Variants in SGCZ observed in about 807,000 individuals in gnomAD.
SGCZ encodes the protein zeta-sarcoglycan.
In SGCZ, 40 loss-of-function variants were observed where a neutral mutation model predicts 41.3. The observed-to-expected ratio is 0.97, with a 90% CI of 0.75 to 1.26. SGCZ has a LOEUF of 1.26. SGCZ is among the 50% of genes most tolerant of loss of function. The pLI, the probability that SGCZ is intolerant of heterozygous loss-of-function variation, is 0.00. For synonymous variants in SGCZ, 206 were observed against 137.5 expected, an observed-to-expected ratio of 1.50 and a Z score of -3.49; for missense variants, 552 against 369.8, an observed-to-expected ratio of 1.49 and a Z score of -4.04.
intron 1 of SGCZ, among the ~76,000 whole-genome samples, chr8:15,167,662 T>C (rs1265087042): frequency 9.6e-6 from 1 of 104,476 alleles, no homozygotes; most frequent in Non-Finnish European, 2.0e-5. Flanking sequence ...CTCAGTCCTT[T>C]TTATAATTTG....
intron 7 of SGCZ, among the ~76,000 whole-genome samples, chr8:14,092,852 G>A (rs527517783): frequency 6.6e-6 from 1 of 152,080 alleles, no homozygotes; most frequent in South Asian, 2.1e-4. Flanking sequence ...CAATACAGTA[G>A]CTAATCAGCA....
chr8:14,813,249 A>G (rs1801788211), intron 1 of SGCZ, among the ~76,000 whole-genome samples: 1 of 152,200 alleles, frequency 6.6e-6, no homozygotes, highest in East Asian at 1.9e-4. Context: ...CTCCCTCAAT[A>G]TACAGGAATA....
At chr8:14,395,090 T>G (rs1798871793) in intron 2 of SGCZ, among the ~76,000 whole-genome samples, 1 of 152,198 alleles carries the variant, frequency 6.6e-6, no homozygotes, top group Non-Finnish European at 1.5e-5. Flanking sequence ...TACTTAAAAC[T>G]CTAAGGAACA....
At chr8:14,404,579 A>G (rs543923817) in intron 2 of SGCZ, among the ~76,000 whole-genome samples, 2 of 152,306 alleles carry the variant, frequency 1.3e-5, no homozygotes, top group African/African-American at 4.8e-5. Flanking sequence ...TTTTTCTTTA[A>G]CAATCAGAAA....
intron 1 of SGCZ, among the ~76,000 whole-genome samples, chr8:15,015,946 G>A (rs1053915883): frequency 6.6e-6 from 1 of 151,500 alleles, no homozygotes; most frequent in Non-Finnish European, 1.5e-5. Flanking sequence ...CCATTTTCCT[G>A]ACATGTATGG....
intron 1 of SGCZ, among the ~76,000 whole-genome samples, chr8:15,231,506 C>T (rs148855891): frequency 6.6e-6 from 1 of 150,998 alleles, no homozygotes; most frequent in African/African-American, 2.4e-5. Flanking sequence ...ATAGAAGTCT[C>T]TCATCAGTTT....
chr8:14,297,564 G>C (rs10089596), intron 3 of SGCZ, among the ~76,000 whole-genome samples: 32,971 of 151,432 alleles, frequency 0.22, 4,417 homozygotes, highest in African/African-American at 0.37. Context: ...TAGAATAAAA[G>C]CAAAGACAAT....
chr8:15,158,311 A>T (rs182315737), intron 1 of SGCZ, among the ~76,000 whole-genome samples: 114 of 152,070 alleles, frequency 7.5e-4, no homozygotes, highest in African/African-American at 2.6e-3. Flanking sequence ...CCCTACCCTA[A>T]ATTTTTCCTT....
intron 2 of SGCZ, among the ~76,000 whole-genome samples, chr8:14,490,778 T>C (rs750462914): frequency 6.6e-6 from 1 of 151,668 alleles, no homozygotes; most frequent in Non-Finnish European, 1.5e-5. Flanking sequence ...CAGATTCTCA[T>C]GTAAGCTCTA....
At chr8:14,448,742 G>A (rs895054608) in intron 2 of SGCZ, among the ~76,000 whole-genome samples, 3 of 151,984 alleles carry the variant, frequency 2.0e-5, no homozygotes, top group Non-Finnish European at 2.9e-5. Context: ...CTCCATGATC[G>A]CCGTTGATGC....
intron 2 of SGCZ, among the ~76,000 whole-genome samples, chr8:14,500,881 A>G (rs1228239060): frequency 6.6e-6 from 1 of 152,108 alleles, no homozygotes; most frequent in African/African-American, 2.4e-5. Context: ...AAAGTAGTTC[A>G]GGAAAAAAAC....
chr8:14,709,563 G>A (rs1809447152), intron 1 of SGCZ, among the ~76,000 whole-genome samples: 1 of 151,946 alleles, frequency 6.6e-6, no homozygotes, highest in African/African-American at 2.4e-5. Context: ...GCTTGTTACG[G>A]CATAAGCAGG....
chr8:15,031,220 G>C (rs1392588916), intron 1 of SGCZ, among the ~76,000 whole-genome samples: 1 of 152,000 alleles, frequency 6.6e-6, no homozygotes, highest in African/African-American at 2.4e-5. Flanking sequence ...TTATTTCCCA[G>C]GATGGCAGAA....
At chr8:15,212,236 T>A (rs1801257367) in intron 1 of SGCZ, among the ~76,000 whole-genome samples, 1 of 152,174 alleles carries the variant, frequency 6.6e-6, no homozygotes, top group South Asian at 2.1e-4. Flanking sequence ...GTTCTTATAA[T>A]GATTTAGCTA....
chr8:14,797,614 A>G (rs938059930), intron 1 of SGCZ, among the ~76,000 whole-genome samples: 2 of 152,256 alleles, frequency 1.3e-5, no homozygotes, highest in Non-Finnish European at 2.9e-5. Context: ...AACCTACTGC[A>G]GAAATTTGCA....
chr8:14,631,326 T>A (rs917879092), intron 1 of SGCZ, among the ~76,000 whole-genome samples: 1 of 152,082 alleles, frequency 6.6e-6, no homozygotes, highest in Admixed American at 6.6e-5. Flanking sequence ...GCATTCTCTA[T>A]CAAATAGAGT....
intron 1 of SGCZ, among the ~76,000 whole-genome samples, chr8:14,816,140 A>C (rs1215273783): frequency 6.6e-6 from 1 of 152,248 alleles, no homozygotes; most frequent in African/African-American, 2.4e-5. Flanking sequence ...CATTTTGTAT[A>C]CTAAGTCTCG....
chr8:14,260,604 C>A (rs866591874), intron 3 of SGCZ, among the ~76,000 whole-genome samples: 2,646 of 149,006 alleles, frequency 0.018, 37 homozygotes, highest in Non-Finnish European at 0.026. Context: ...TGGGTATATA[C>A]CCAAAGGACT....
intron 2 of SGCZ, among the ~76,000 whole-genome samples, chr8:14,496,056 C>T (rs1801978506): frequency 6.6e-6 from 1 of 152,022 alleles, no homozygotes; most frequent in African/African-American, 2.4e-5. Context: ...GTGTGGTCTC[C>T]TAGTACTTAT....
Sources: allele counts gnomAD v4.1 joint callset (sites outside exome capture counted in the v4.1 genomes callset), GRCh38; gene constraint gnomAD v4.1.1; transcripts MANE v1.5; gene names NCBI Gene and HGNC (gene_info 2026-07-23, HGNC 2026-07-21).